Variants in LRRC17 observed in about 807,000 individuals in gnomAD.
LRRC17 encodes the protein leucine rich repeat containing 17.
LRRC17 carries 33 observed loss-of-function variants against 41.5 expected under a neutral mutation model. The observed-to-expected ratio is 0.80, with a 90% CI of 0.60 to 1.06. The LOEUF (loss-of-function observed/expected upper bound fraction) is 1.06, where lower values mean the gene tolerates loss of function less well. Among genes scored for constraint, LRRC17 ranks in the 50% least tolerant of loss-of-function variants. The probability of loss-of-function intolerance (pLI) is 0.00; values close to 1 mark genes in which losing one functional copy is unlikely to be tolerated. For synonymous variants in LRRC17, 192 were observed against 197.0 expected, an observed-to-expected ratio of 0.97 and a Z score of 0.21; for missense variants, 491 against 519.3, an observed-to-expected ratio of 0.95 and a Z score of 0.53.
Position 102,934,607 on chromosome 7 carries a change from G to A in LRRC17, c.694G>A (p.Val232Ile), listed in dbSNP as rs141262991. Residue 232 changes from valine (V) to isoleucine (I), a missense_variant, in exon 2 of 4, where the codon GTC becomes ATC. Coordinates refer to ENST00000339431, the MANE Select transcript of LRRC17 (RefSeq NM_001031692.3). Reference protein sequence around the residue: ...PKPQVSGRPPVIKPEVDSTFC... With the variant: ...PKPQVSGRPPIIKPEVDSTFC... ...ACCCCAAGTGTCAGGGAGACCCCCA[G>A]TCATCAAGCCTGAGGTGGACTCAAC... The A allele has an allele frequency of 1.2e-6, 2 of 1,614,004 alleles. No homozygotes were observed. The highest frequency in any genetic ancestry group is 2.7e-5 in the African/African-American group (2 of 75,034).
rs534076073 is a variant in LRRC17 at position 102,921,401 on chromosome 7, C to T, written c.-141+8256C>T. On this transcript the variant is annotated intron_variant, in intron 1 of 3. Coordinates refer to ENST00000339431, the MANE Select transcript of LRRC17 (RefSeq NM_001031692.3). ...TTGTTCTCTATAAGAAACTCTGGGC[C>T]GGGCACAGTGGCTCATGCCTGTAAT... Among the ~76,000 whole-genome samples the T allele has an allele frequency of 1.1e-4, 16 of 151,932 alleles. No homozygotes were observed. In the South Asian group the frequency reaches 2.9e-3, roughly 28 times the overall value.
chr7:102,925,924 G>A (rs1360003801), intron 1 of LRRC17, among the ~76,000 whole-genome samples: 1 of 131,088 alleles, frequency 7.6e-6, no homozygotes, highest in African/African-American at 2.9e-5. Context: ...CTGGGCGACA[G>A]AGCAAGACTC....
At chr7:102,942,751 T>TTTTTTAAG (rs1191166012) in intron 3 of LRRC17, among the ~76,000 whole-genome samples, 2 of 152,330 alleles carry the variant, frequency 1.3e-5, no homozygotes, top group East Asian at 3.9e-4. Flanking sequence ...GGGGGAATTA[T>TTTTTTAAG]GGGTTTTTTC....
intron 1 of LRRC17, among the ~76,000 whole-genome samples, chr7:102,930,664 A>C (rs1173690028): frequency 1.3e-5 from 2 of 152,176 alleles, no homozygotes. Flanking sequence ...CTTCATTGTC[A>C]ACCTACTTCT....
chr7:102,926,563 C>G (rs1159292785), intron 1 of LRRC17, among the ~76,000 whole-genome samples: 1 of 152,176 alleles, frequency 6.6e-6, no homozygotes, highest in African/African-American at 2.4e-5. Context: ...CTCAAAGCAT[C>G]ATTACTCCCT....
chr7:102,936,582 G>A (rs1820358770), intron 2 of LRRC17, among the ~76,000 whole-genome samples: 1 of 152,164 alleles, frequency 6.6e-6, no homozygotes, highest in Admixed American at 6.5e-5. Context: ...AATTTCCTTT[G>A]TGGTGCTTAG....
Position 102,913,061 on chromosome 7 carries a change from G to C in LRRC17, c.-225G>C. ...CTGGAGAACTTCCTCACACACCGCA[G>C]CAAAGAGAAGACTGAAAGACAAACC... On this transcript the variant is annotated 5_prime_UTR_variant, in exon 1 of 4. Transcript: ENST00000339431. 6.2e-7 allele frequency: 1 copy of C among 1,613,942 alleles called. No individual in the cohort carries two copies. Among genetic ancestry groups the C allele is most frequent in the South Asian group, 1.1e-5 (1 of 91,058 alleles).
At chr7:102,916,354 G>A (rs1452676159) in intron 1 of LRRC17, among the ~76,000 whole-genome samples, 2 of 151,950 alleles carry the variant, frequency 1.3e-5, no homozygotes, top group Middle Eastern at 3.2e-3. Flanking sequence ...GATCCTCTTG[G>A]GGGAATCCAC....
intron 3 of LRRC17, among the ~76,000 whole-genome samples, chr7:102,941,768 A>ATAG (rs1346128505): frequency 6.6e-6 from 1 of 152,174 alleles, no homozygotes; most frequent in African/African-American, 2.4e-5. Context: ...AAAGATTATA[A>ATAG]TAGTTATTAT....
chr7:102,924,852 A>G (rs1445514342), intron 1 of LRRC17, among the ~76,000 whole-genome samples: 1 of 151,848 alleles, frequency 6.6e-6, no homozygotes. Flanking sequence ...CATGGTCTCA[A>G]TCTCCTGACC....
intron 1 of LRRC17, among the ~76,000 whole-genome samples, chr7:102,916,977 T>C (rs992762730): frequency 6.6e-6 from 1 of 152,120 alleles, no homozygotes; most frequent in East Asian, 1.9e-4. Flanking sequence ...AAGGACTTAC[T>C]ACTAAGATGA....
At chr7:102,923,597 C>T (rs867942541) in intron 1 of LRRC17, among the ~76,000 whole-genome samples, 95 of 149,500 alleles carry the variant, frequency 6.4e-4, no homozygotes, top group Middle Eastern at 7.8e-3. Flanking sequence ...CTGAGGCAGG[C>T]GGATCACGAG....
chr7:102,914,118 T>C lies in LRRC17; in HGVS notation c.-141+973T>C, dbSNP rs548714502. ...CTCTTGTTGCCCAGCTGGAGTACAATGGTGAGATCTTGGCTCACTGCAACC... is the reference window on the plus strand; with the variant it reads ...CTCTTGTTGCCCAGCTGGAGTACAACGGTGAGATCTTGGCTCACTGCAACC... On this transcript the variant is annotated intron_variant, in intron 1 of 3. Coordinates refer to ENST00000339431, the MANE Select transcript of LRRC17 (RefSeq NM_001031692.3). Among the ~76,000 whole-genome samples, 3 of 152,318 alleles carry C rather than the reference T, an allele frequency of 2.0e-5. No homozygotes were observed. The East Asian group carries it at 5.8e-4, about 29-fold the overall frequency.
Position 102,934,557 on chromosome 7 carries a change from AAG to A in LRRC17, c.646_647del (p.Glu216LysfsTer20), listed in dbSNP as rs869198374. The stretch of plus-strand genomic sequence containing the variant: ...AAATCTGAACAGTTGTGTAATGAAG[AAG>A]AAAAGGAACAATTGGACCCGAAACC... On this transcript the variant is annotated frameshift_variant, in exon 2 of 4. Transcript: ENST00000339431. LOFTEE classifies it high-confidence loss of function. The A allele has an allele frequency of 1.3e-5, 21 of 1,613,310 alleles. No individual in the cohort carries two copies. The highest frequency in any genetic ancestry group is 1.4e-5 in the Non-Finnish European group (17 of 1,179,468).
chr7:102,913,210 A>T (rs1341236968), intron 1 of LRRC17, 65 bp downstream of exon 1: 2 of 1,614,166 alleles, frequency 1.2e-6, no homozygotes, highest in Admixed American at 3.3e-5. Flanking sequence ...TAAGTTGTGG[A>T]AGTGCCTGAA....
rs186433647 is a variant in LRRC17 at position 102,944,817 on chromosome 7, T to C, written c.*210T>C. The C allele has an allele frequency of 2.0e-4, 99 of 489,784 alleles. No homozygotes were observed. The East Asian group carries it at 3.3e-3, about 17-fold the overall frequency. 30.3% of individuals were successfully genotyped at this position (489,784 alleles called of 1,614,324 possible). ...GCCTGTCCATTTGTGGAACAGCATC[T>C]GGTGATATGCAATTCCACACTGGTA... On this transcript the variant is annotated 3_prime_UTR_variant, in exon 4 of 4. Coordinates refer to ENST00000339431, the MANE Select transcript of LRRC17 (RefSeq NM_001031692.3).
intron 1 of LRRC17, among the ~76,000 whole-genome samples, chr7:102,924,512 A>G (rs1817679830): frequency 6.6e-6 from 1 of 152,128 alleles, no homozygotes; most frequent in Non-Finnish European, 1.5e-5. Flanking sequence ...TTGACTAAAA[A>G]TGTGACAGCT....
intron 1 of LRRC17, among the ~76,000 whole-genome samples, chr7:102,929,903 T>C (rs1818864604): frequency 6.6e-6 from 1 of 151,832 alleles, no homozygotes; most frequent in Non-Finnish European, 1.5e-5. Flanking sequence ...AATATAAATA[T>C]AAATTTATTA....
rs1563115280 is a variant in LRRC17 at position 102,934,538 on chromosome 7, G to C, written c.625G>C (p.Glu209Gln). 3.2e-6 allele frequency: 5 copies of C among 1,557,610 alleles called. No individual in the cohort carries two copies. Among genetic ancestry groups the C allele is most frequent in the Non-Finnish European group, 4.3e-6 (5 of 1,152,044 alleles). ...KNKKLRQIKS[E>Q]QLCNEEEKEQ... ...TAAAAAACTGCGGCAGATAAAATCTGAACAGTTGTGTAATGAAGAAGAAAA... is the reference window on the plus strand; with the variant it reads ...TAAAAAACTGCGGCAGATAAAATCTCAACAGTTGTGTAATGAAGAAGAAAA... Residue 209 changes from glutamate to glutamine, a missense_variant, in exon 2 of 4, where the codon GAA (glutamate) becomes CAA (glutamine). Coordinates refer to ENST00000339431, the MANE Select transcript of LRRC17 (RefSeq NM_001031692.3).
Sources: gnomAD v4.1 joint callset for allele counts (sites outside exome capture counted in the v4.1 genomes callset) on GRCh38, gnomAD v4.1.1 for gene constraint, MANE v1.5 for transcripts, NCBI Gene and HGNC (gene_info 2026-07-23, HGNC 2026-07-21) for gene names.